Variants in CTNNA2 observed in about 807,000 individuals in gnomAD.
The protein encoded by CTNNA2 is catenin alpha-2.
CTNNA2 carries 42 observed loss-of-function variants against 101.0 expected under a neutral mutation model. The observed-to-expected ratio is 0.42, with a 90% CI of 0.32 to 0.54. The LOEUF (loss-of-function observed/expected upper bound fraction) is 0.54, where lower values mean the gene tolerates loss of function less well. CTNNA2 is among the 20% of genes least tolerant of loss of function. The pLI, the probability that CTNNA2 is intolerant of heterozygous loss-of-function variation, is 0.14. For synonymous variants in CTNNA2, 450 were observed against 456.4 expected (o/e 0.99, Z 0.18); for missense variants, 871 against 1,223.1 (o/e 0.71, Z 4.29).
intron 18 of CTNNA2, among the ~76,000 whole-genome samples, chr2:80,629,177 C>T (rs1040393710): frequency 1.3e-5 from 2 of 151,938 alleles, no homozygotes; most frequent in African/African-American, 2.4e-5. Context: ...AATATTGGTG[C>T]CCTCCGGTTC....
At chr2:80,448,389 T>G (rs1683231288) in intron 9 of CTNNA2, among the ~76,000 whole-genome samples, 1 of 152,246 alleles carries the variant, frequency 6.6e-6, no homozygotes, top group African/African-American at 2.4e-5. Context: ...AAACTGTTTT[T>G]GTTTCTGAGG....
At chr2:79,654,289 T>C (rs1681458641) in intron 2 of CTNNA2, among the ~76,000 whole-genome samples, 1 of 152,206 alleles carries the variant, frequency 6.6e-6, no homozygotes, top group Non-Finnish European at 1.5e-5. Context: ...CAATTGCTGC[T>C]ATAACAAGTT....
intron 15 of CTNNA2, among the ~76,000 whole-genome samples, chr2:80,598,725 G>C (rs1697204717): frequency 1.3e-5 from 2 of 152,160 alleles, no homozygotes; most frequent in African/African-American, 4.8e-5. Flanking sequence ...TGCATGCAAT[G>C]ATTTGGATAA....
At chr2:80,596,178 G>A (rs1295837857) in intron 15 of CTNNA2, among the ~76,000 whole-genome samples, 1 of 147,826 alleles carries the variant, frequency 6.8e-6, no homozygotes, top group Non-Finnish European at 1.5e-5. Context: ...TATTGTTGAT[G>A]TGTAGGAATG....
intron 6 of CTNNA2, among the ~76,000 whole-genome samples, chr2:79,883,072 C>T (rs369063056): frequency 2.2e-4 from 33 of 152,208 alleles, no homozygotes; most frequent in Non-Finnish European, 3.4e-4. Flanking sequence ...AGGATTCATA[C>T]GCTTATTAGG....
At chr2:79,663,215 T>C (rs1403276970) in intron 2 of CTNNA2, among the ~76,000 whole-genome samples, 2 of 152,164 alleles carry the variant, frequency 1.3e-5, no homozygotes, top group Non-Finnish European at 2.9e-5. Flanking sequence ...CTCATCATGA[T>C]CAGTACAGTC....
At chr2:80,513,120 G>A (rs970007741) in intron 9 of CTNNA2, among the ~76,000 whole-genome samples, 3 of 152,162 alleles carry the variant, frequency 2.0e-5, no homozygotes, top group Non-Finnish European at 4.4e-5. Flanking sequence ...GCAAGATCCT[G>A]TGGTCCTGAT....
intron 9 of CTNNA2, among the ~76,000 whole-genome samples, chr2:80,480,261 T>C (rs1686047975): frequency 6.6e-6 from 1 of 152,082 alleles, no homozygotes; most frequent in African/African-American, 2.4e-5. Context: ...ATGCTTTTCA[T>C]CTACCAGAGG....
intron 4 of CTNNA2, among the ~76,000 whole-genome samples, chr2:79,469,043 A>G (rs1670969286): frequency 1.3e-5 from 2 of 152,216 alleles, no homozygotes; most frequent in Non-Finnish European, 1.5e-5. Flanking sequence ...GCAGAACTGA[A>G]GGAGACAGAG....
chr2:80,516,694 TCA>T (rs1267854430), intron 9 of CTNNA2, among the ~76,000 whole-genome samples: 1 of 152,182 alleles, frequency 6.6e-6, no homozygotes, highest in Non-Finnish European at 1.5e-5. Context: ...GATTAACCAT[TCA>T]CAGTCCTGAT....
chr2:79,658,847 T>C (rs1326054963), intron 2 of CTNNA2, among the ~76,000 whole-genome samples: 1 of 152,074 alleles, frequency 6.6e-6, no homozygotes. Flanking sequence ...TTTTGAGCAA[T>C]GTTCGTGGGG....
At chr2:79,214,514 G>A (rs1372086427) in intron 2 of CTNNA2, among the ~76,000 whole-genome samples, 2 of 152,186 alleles carry the variant, frequency 1.3e-5, no homozygotes, top group African/African-American at 4.8e-5. Flanking sequence ...TAACAGGCGA[G>A]TGATAACAGG....
At chr2:79,639,253 C>T (rs1366183142) in intron 1 of CTNNA2, among the ~76,000 whole-genome samples, 1 of 152,176 alleles carries the variant, frequency 6.6e-6, no homozygotes, top group Non-Finnish European at 1.5e-5. Context: ...TCTCTCTAAT[C>T]AATATTAAGC....
intron 2 of CTNNA2, among the ~76,000 whole-genome samples, chr2:79,679,480 T>C (rs556547270): frequency 1.3e-5 from 2 of 152,142 alleles, no homozygotes; most frequent in African/African-American, 4.8e-5. Flanking sequence ...ATGGCGGTCA[T>C]GAAAGACTTC....
chr2:80,323,438 C>T (rs1678918427), intron 7 of CTNNA2, among the ~76,000 whole-genome samples: 1 of 151,938 alleles, frequency 6.6e-6, no homozygotes, highest in Non-Finnish European at 1.5e-5. Context: ...ACAAATACAA[C>T]TCCTCTTTTA....
chr2:79,439,327 T>C (rs1056997080), intron 4 of CTNNA2, among the ~76,000 whole-genome samples: 4 of 152,202 alleles, frequency 2.6e-5, no homozygotes, highest in Admixed American at 6.5e-5. Flanking sequence ...AAAGCTCCCA[T>C]ATTGTATGAT....
At chr2:80,597,784 A>G (rs538556836) in intron 15 of CTNNA2, among the ~76,000 whole-genome samples, 28 of 152,224 alleles carry the variant, frequency 1.8e-4, no homozygotes, top group Non-Finnish European at 3.8e-4. Context: ...ATCTCATGCC[A>G]GTCAGAATGG....
At chr2:79,401,816 T>C (rs1003909131) in intron 4 of CTNNA2, among the ~76,000 whole-genome samples, 6 of 151,526 alleles carry the variant, frequency 4.0e-5, no homozygotes, top group Non-Finnish European at 5.9e-5. Flanking sequence ...AAAATAAATA[T>C]ATTTATTGAA....
intron 1 of CTNNA2, among the ~76,000 whole-genome samples, chr2:79,188,565 G>C (rs149886081): frequency 5.3e-4 from 80 of 152,330 alleles, no homozygotes; most frequent in Non-Finnish European, 1.1e-3. Context: ...TGAGGCAAAT[G>C]TGAGGTACAG....
Sources: gnomAD v4.1 joint callset for allele counts (sites outside exome capture counted in the v4.1 genomes callset) on GRCh38, gnomAD v4.1.1 for gene constraint, MANE v1.5 for transcripts, NCBI Gene and HGNC (gene_info 2026-07-23, HGNC 2026-07-21) for gene names.